The following RANBP17 variants were observed in gnomAD, a reference collection of about 807,000 sequenced individuals.
The protein encoded by RANBP17 is ran-binding protein 17.
In RANBP17, 158 loss-of-function variants were observed where a neutral mutation model predicts 141.2. The observed-to-expected ratio is 1.12, with a 90% CI of 0.98 to 1.28. The LOEUF is 1.28. RANBP17 is among the 50% of genes most tolerant of loss of function. RANBP17 has a pLI of 0.00. For missense variants in RANBP17, 1,438 were observed against 1,290.7 expected, an observed-to-expected ratio of 1.11 and a Z score of -1.75; for synonymous variants, 430 against 450.0, an observed-to-expected ratio of 0.96 and a Z score of 0.56.
chr5:171,146,626 T>C (rs1178337721), intron 14 of RANBP17, among the ~76,000 whole-genome samples: 1 of 152,202 alleles, frequency 6.6e-6, no homozygotes, highest in East Asian at 1.9e-4. Flanking sequence ...ACAAAGAAGT[T>C]CTTAACCCCC....
intron 21 of RANBP17, among the ~76,000 whole-genome samples, chr5:171,217,761 A>T (rs988371520): frequency 3.3e-5 from 5 of 151,858 alleles, no homozygotes; most frequent in Non-Finnish European, 7.4e-5. Context: ...CCCCTTTATC[A>T]TTTTTATTGC....
intron 14 of RANBP17, among the ~76,000 whole-genome samples, chr5:171,057,780 C>A (rs906224052): frequency 6.6e-6 from 1 of 152,018 alleles, no homozygotes; most frequent in Admixed American, 6.6e-5. Context: ...GGAGTGCAAG[C>A]AGGGGTAATG....
intron 13 of RANBP17, among the ~76,000 whole-genome samples, chr5:170,958,385 A>G (rs796073755): frequency 3.9e-5 from 6 of 152,264 alleles, no homozygotes; most frequent in African/African-American, 1.2e-4. Flanking sequence ...TTCTGGGGCT[A>G]CAAGACAAGT....
rs140812950 is a variant in RANBP17, at chr5:171,183,369, C to T, written c.1977C>T (p.Ser659=). The T allele has an allele frequency of 7.7e-4, 1,235 of 1,613,956 alleles. 7 individuals are homozygous for T. In the African/African-American group the frequency reaches 0.014, roughly 19 times the overall value. The change falls in exon 18 of 28, where the codon AGC becomes AGT. Residue 659 remains serine (S), a synonymous_variant. Coordinates refer to ENST00000523189, the MANE Select transcript of RANBP17 (RefSeq NM_022897.5). ...GCATCAGTGACAATCATAGTCTCAG[C>T]GACTTCAGGTGTCGAACAACCTTCT... is the stretch of plus-strand genomic sequence containing the variant. ...FLGISDNHSL[S]DFRCRTTFYT... is the part of the protein sequence containing the mutation.
intron 14 of RANBP17, among the ~76,000 whole-genome samples, chr5:171,004,201 G>T (rs1227866844): frequency 3.3e-5 from 5 of 152,092 alleles, no homozygotes; most frequent in African/African-American, 1.2e-4. Flanking sequence ...GTGATCGGTT[G>T]CCAGGGAGGG....
Position 171,138,826 on chromosome 5 carries a change from C to G in RANBP17, c.1711-31304C>G, listed in dbSNP as rs756938682. ...ATGGTTCACACTAGTAATCCCAACACTTCGGAAGGCTGAGGCACTCAGGAG... is the reference window on the plus strand; with the variant it reads ...ATGGTTCACACTAGTAATCCCAACAGTTCGGAAGGCTGAGGCACTCAGGAG... On this transcript the variant is annotated intron_variant, in intron 14 of 27. Coordinates refer to ENST00000523189, the MANE Select transcript of RANBP17 (RefSeq NM_022897.5). Among the ~76,000 whole-genome samples the G allele has an allele frequency of 4.3e-4, 65 of 152,156 alleles. 1 individual carries two copies. The highest frequency in any genetic ancestry group is 1.0e-4 in the Non-Finnish European group (7 of 68,030).
At chr5:170,998,014 C>T (rs1778936064) in intron 14 of RANBP17, among the ~76,000 whole-genome samples, 1 of 151,416 alleles carries the variant, frequency 6.6e-6, no homozygotes, top group Non-Finnish European at 1.5e-5. Context: ...CTTTGGGAGG[C>T]TGAGGCGGGC....
chr5:171,217,420 C>T (rs935011579), intron 21 of RANBP17, among the ~76,000 whole-genome samples: 3 of 152,092 alleles, frequency 2.0e-5, no homozygotes, highest in Admixed American at 6.5e-5. Flanking sequence ...TGATGGTGGC[C>T]TCATAAAATG....
chr5:171,246,964 G>A (rs1765248226), intron 24 of RANBP17, among the ~76,000 whole-genome samples: 1 of 152,118 alleles, frequency 6.6e-6, no homozygotes, highest in Non-Finnish European at 1.5e-5. Context: ...CTTCTGAAGG[G>A]CAGAAACAGT....
chr5:171,158,837 G>A (rs565825784), intron 14 of RANBP17, among the ~76,000 whole-genome samples: 6 of 152,130 alleles, frequency 3.9e-5, no homozygotes, highest in East Asian at 1.9e-4. Flanking sequence ...CAGCAGGTGC[G>A]GCTGCCTAAC....
intron 7 of RANBP17, among the ~76,000 whole-genome samples, chr5:170,911,683 G>GA (rs1360160870): frequency 1.3e-5 from 2 of 151,822 alleles, no homozygotes; most frequent in African/African-American, 2.4e-5. Flanking sequence ...TCATGAGAAA[G>GA]AAAAAAGTTT....
At chr5:171,281,535 G>C (rs1000612194) in intron 25 of RANBP17, among the ~76,000 whole-genome samples, 1 of 152,120 alleles carries the variant, frequency 6.6e-6, no homozygotes. Flanking sequence ...GGCTACATGA[G>C]CCCTGAAGGC....
At chr5:171,129,608 A>G (rs766991960) in intron 14 of RANBP17, among the ~76,000 whole-genome samples, 3 of 152,190 alleles carry the variant, frequency 2.0e-5, no homozygotes, top group Non-Finnish European at 4.4e-5. Context: ...ATCATGTCTA[A>G]TGGGACTGTT....
At chr5:171,117,001 GT>G (rs1406022212) in intron 14 of RANBP17, among the ~76,000 whole-genome samples, 1 of 152,124 alleles carries the variant, frequency 6.6e-6, no homozygotes, top group East Asian at 1.9e-4. Context: ...ATTTCCTTCT[GT>G]TTTATGGATG....
intron 14 of RANBP17, among the ~76,000 whole-genome samples, chr5:171,063,706 A>C (rs1414858944): frequency 6.6e-6 from 1 of 152,148 alleles, no homozygotes; most frequent in Non-Finnish European, 1.5e-5. Context: ...TCAGACAGGG[A>C]CATTTAAGTC....
chr5:170,941,551 A>G (rs1774326390), intron 12 of RANBP17, among the ~76,000 whole-genome samples: 1 of 152,244 alleles, frequency 6.6e-6, no homozygotes, highest in African/African-American at 2.4e-5. Context: ...ACACACACTA[A>G]GCAAGAATCA....
intron 3 of RANBP17, among the ~76,000 whole-genome samples, chr5:170,885,978 A>G (rs1407439056): frequency 1.3e-5 from 2 of 151,554 alleles, no homozygotes; most frequent in Non-Finnish European, 2.9e-5. Flanking sequence ...AGCTTCCTCC[A>G]GCAGGAATTT....
At chr5:171,089,885 T>C (rs1259527340) in intron 14 of RANBP17, among the ~76,000 whole-genome samples, 2 of 152,200 alleles carry the variant, frequency 1.3e-5, no homozygotes, top group Non-Finnish European at 2.9e-5. Flanking sequence ...ATGCACCCGG[T>C]ACCTCAGATG....
intron 14 of RANBP17, among the ~76,000 whole-genome samples, chr5:171,007,006 T>C (rs1240203773): frequency 6.6e-6 from 1 of 152,182 alleles, no homozygotes; most frequent in Non-Finnish European, 1.5e-5. Flanking sequence ...CTCGGGGAAC[T>C]GCTCTCATGC....
Sources: allele counts gnomAD v4.1 joint callset (sites outside exome capture counted in the v4.1 genomes callset), GRCh38; gene constraint gnomAD v4.1.1; transcripts MANE v1.5; gene names NCBI Gene and HGNC (gene_info 2026-07-23, HGNC 2026-07-21).